The following TGS1 variants were observed in gnomAD, a reference collection of about 807,000 sequenced individuals.
TGS1 encodes trimethylguanosine synthase.
In TGS1, 69 loss-of-function variants were observed where a neutral mutation model predicts 92.2. That is an observed-to-expected ratio of 0.75 (90% CI 0.62 to 0.91). TGS1 has a LOEUF of 0.91. TGS1 is among the 40% of genes least tolerant of loss of function. TGS1 has a pLI of 0.00. For synonymous variants in TGS1, 345 were observed against 338.1 expected (o/e 1.02, Z -0.22); for missense variants, 1,062 against 1,001.2 (o/e 1.06, Z -0.82).
chr8:55,799,479 A>C (rs375291389), intron 8 of TGS1, among the ~76,000 whole-genome samples: 1 of 152,186 alleles, frequency 6.6e-6, no homozygotes, highest in African/African-American at 2.4e-5. Flanking sequence ...TCTGCAGACC[A>C]CTGTCTGCAG....
chr8:55,804,464 G>C, intron 9 of TGS1, among the ~76,000 whole-genome samples: 1 of 152,102 alleles, frequency 6.6e-6, no homozygotes, highest in East Asian at 1.9e-4. Context: ...AGTTTTTTCT[G>C]GAGTGTCCAA....
intron 1 of TGS1, among the ~76,000 whole-genome samples, chr8:55,775,414 G>T (rs2130089582): frequency 6.6e-6 from 1 of 152,322 alleles, no homozygotes; most frequent in Middle Eastern, 3.4e-3. Context: ...TCAGGCGGCA[G>T]TGTGGAGGAT....
intron 5 of TGS1, among the ~76,000 whole-genome samples, chr8:55,792,012 C>T (rs1378890441): frequency 6.6e-6 from 1 of 152,184 alleles, no homozygotes; most frequent in Non-Finnish European, 1.5e-5. Context: ...ACAAGCGTGC[C>T]TCTACTGTGC....
At position 55,795,856 on chromosome 8, in the gene TGS1, T is replaced by TCCC. The variant is rs1346572783; in HGVS notation, c.1368-122_1368-121insCCC. On this transcript the variant is annotated intron_variant, in intron 6 of 12. Transcript: ENST00000260129. The stretch of plus-strand genomic sequence containing the variant: ...GAACTTGATTTTATCATTTTCATAA[T>TCCC]TTTAAAAAGGGAATTAAAATGGTGT... 35 of 766,446 alleles carry TCCC rather than the reference T, an allele frequency of 4.6e-5. No homozygotes were observed. In the African/African-American group the frequency reaches 4.7e-4, roughly 10 times the overall value. The allele number at this position is 766,446 out of a possible 1,614,324, so 47.5% of individuals were successfully genotyped here. A position where few individuals can be genotyped will look rare whatever the true frequency, so the allele number is the denominator to read the frequency against.
rs1811602055 is a variant in TGS1 at position 55,782,781 on chromosome 8, C to T, written c.135C>T (p.Gly45=). 1 of 1,610,418 alleles carries T rather than the reference C, an allele frequency of 6.2e-7. No homozygotes were observed. Among genetic ancestry groups the T allele is most frequent in the African/African-American group, 1.3e-5 (1 of 74,692 alleles). The change falls in exon 2 of 13, where the codon GGC becomes GGT. Residue 45 remains glycine, a synonymous_variant. Transcript: ENST00000260129. Reference sequence around the variant, plus strand: ...AATTGTACAATTTGGGATTAAAAGGCTATTACATCAGAGACAGTGGCAACA... The same window carrying T: ...AATTGTACAATTTGGGATTAAAAGGTTATTACATCAGAGACAGTGGCAACA... The part of the protein sequence containing the change: ...DRKLYNLGLK[G]YYIRDSGNNS...
intron 6 of TGS1, 90 bp from the exon 7 acceptor site, chr8:55,795,888 G>T: frequency 1.0e-6 from 1 of 968,532 alleles, no homozygotes; most frequent in Non-Finnish European, 1.6e-6. Context: ...GTGTAAAAAT[G>T]AGTGAAAATG....
Position 55,774,533 on chromosome 8 carries a change from T to G in TGS1, c.101+814T>G, listed in dbSNP as rs552624833. Among the ~76,000 whole-genome samples the G allele has an allele frequency of 1.5e-4, 23 of 152,316 alleles. 1 individual carries two copies. In the Middle Eastern group the frequency reaches 0.01, roughly 68 times the overall value. ...TGAAAACGCAAAAAGAAGTTAAACT[T>G]GTTAAATTTAATGTAAAAAGTATTG... On this transcript the variant is annotated intron_variant, in intron 1 of 12. Transcript: ENST00000260129.
intron 10 of TGS1, among the ~76,000 whole-genome samples, chr8:55,809,672 G>A (rs1031740680): frequency 1.3e-5 from 2 of 152,052 alleles, no homozygotes; most frequent in African/African-American, 4.8e-5. Context: ...TGAGCTCAAG[G>A]GGTCCACCCG....
At chr8:55,812,477 C>G (rs1425393851) in intron 11 of TGS1, among the ~76,000 whole-genome samples, 1 of 121,502 alleles carries the variant, frequency 8.2e-6, no homozygotes, top group Non-Finnish European at 1.6e-5. Context: ...GCCTGGGTGA[C>G]AGAGCAAGAC....
chr8:55,786,885 G>C lies in TGS1; in HGVS notation c.987G>C (p.Glu329Asp), dbSNP rs769557194. Residue 329 changes from glutamate to aspartate, a missense_variant, in exon 4 of 13, where the codon GAG (glutamate) becomes GAC (aspartate). Coordinates refer to ENST00000260129, the MANE Select transcript of TGS1 (RefSeq NM_024831.8). ...TTAGTAACATAAAACTGAATTCAGA[G>C]GAAGTAACACAGAGCCAATTAGATT... The part of the protein sequence containing the change: ...DGISNIKLNS[E>D]EVTQSQLDSC... 1.2e-6 allele frequency: 2 copies of C among 1,614,020 alleles called. No individual in the cohort carries two copies. The highest frequency in any genetic ancestry group is 3.3e-5 in the Admixed American group (2 of 59,998).
rs1811723079 is a variant in TGS1 at position 55,786,669 on chromosome 8, T to C, written c.771T>C (p.Ala257=). The C allele has an allele frequency of 6.2e-7, 1 of 1,614,018 alleles. No individual in the cohort carries two copies. Among genetic ancestry groups the C allele is most frequent in the African/African-American group, 1.3e-5 (1 of 74,910 alleles). ...YYLEQFQYWE[A]QGWTFDASQS... ...TGGAACAATTTCAGTATTGGGAAGC[T>C]CAGGGTTGGACTTTTGATGCCTCGC... is the stretch of plus-strand genomic sequence containing the variant. The change falls in exon 4 of 13, where the codon GCT becomes GCC. Residue 257 remains alanine (A), a synonymous_variant. Transcript: ENST00000260129.
At position 55,825,265 on chromosome 8, in the gene TGS1, G is replaced by A. The variant is rs1803760960; in HGVS notation, c.*562G>A. The A allele has an allele frequency of 1.3e-5, 2 of 152,086 alleles. No homozygotes were observed. The highest frequency in any genetic ancestry group is 4.1e-4 in the South Asian group (2 of 4,828). The allele number at this position is 152,086 out of a possible 1,614,324, so 9.4% of individuals were successfully genotyped here. ...ATTATCTTTTTCACTCATAGAATAT[G>A]AATACATTTATTTAGACTTTTTCTA... On this transcript the variant is annotated 3_prime_UTR_variant, in exon 13 of 13. Transcript: ENST00000260129.
intron 12 of TGS1, among the ~76,000 whole-genome samples, chr8:55,820,752 T>C (rs1803614462): frequency 6.6e-6 from 1 of 152,208 alleles, no homozygotes; most frequent in South Asian, 2.1e-4. Flanking sequence ...TTTATTTTGG[T>C]AAAATTAATA....
intron 12 of TGS1, among the ~76,000 whole-genome samples, chr8:55,820,286 C>T (rs1032331661): frequency 6.6e-6 from 1 of 152,170 alleles, no homozygotes; most frequent in African/African-American, 2.4e-5. Context: ...GTGGCTTAAG[C>T]CTGTAATCCC....
intron 10 of TGS1, among the ~76,000 whole-genome samples, chr8:55,809,158 A>G (rs1204100939): frequency 6.6e-6 from 1 of 152,222 alleles, no homozygotes; most frequent in East Asian, 1.9e-4. Context: ...ATGGCATTGC[A>G]TATAGTTGAG....
intron 7 of TGS1, among the ~76,000 whole-genome samples, chr8:55,798,593 A>G (rs1812124713): frequency 6.6e-6 from 1 of 152,256 alleles, no homozygotes; most frequent in Non-Finnish European, 1.5e-5. Flanking sequence ...TAGCTGTAGC[A>G]CAGTTAAATT....
chr8:55,814,179 C>G (rs982217244), intron 12 of TGS1, among the ~76,000 whole-genome samples: 1 of 152,038 alleles, frequency 6.6e-6, no homozygotes, highest in South Asian at 2.1e-4. Flanking sequence ...AAATTAAAGG[C>G]TCAAGCAATC....
At chr8:55,791,712 G>A (rs985743116) in intron 5 of TGS1, among the ~76,000 whole-genome samples, 2 of 152,148 alleles carry the variant, frequency 1.3e-5, no homozygotes, top group South Asian at 2.1e-4. Flanking sequence ...ACCTCATTCT[G>A]TGCTTATGTC....
chr8:55,823,121 C>T (rs186325844), intron 12 of TGS1, among the ~76,000 whole-genome samples: 127 of 152,262 alleles, frequency 8.3e-4, no homozygotes, highest in African/African-American at 2.6e-3. Flanking sequence ...CCTCTTACTG[C>T]CCTGAAAAAC....
Sources: allele counts gnomAD v4.1 joint callset (sites outside exome capture counted in the v4.1 genomes callset), GRCh38; gene constraint gnomAD v4.1.1; transcripts MANE v1.5; gene names NCBI Gene and HGNC (gene_info 2026-07-23, HGNC 2026-07-21).